ITSN2: variants seen among roughly 807,000 people sequenced by gnomAD.
ITSN2 encodes intersectin-2.
A neutral mutation model predicts 243.7 loss-of-function variants in ITSN2; 156 were observed. That is an observed-to-expected ratio of 0.64 (90% CI 0.56 to 0.73). The LOEUF is 0.73. Ranked by LOEUF, ITSN2 falls within the 30% of genes least tolerant of loss-of-function variation. The pLI, the probability that ITSN2 is intolerant of heterozygous loss-of-function variation, is 0.00. For synonymous variants in ITSN2, 703 were observed against 699.9 expected (o/e 1.00, Z -0.07); for missense variants, 1,801 against 1,996.1 (o/e 0.90, Z 1.86).
At chr2:24,329,806 T>A (rs1574334107) in intron 1 of ITSN2, among the ~76,000 whole-genome samples, 1 of 152,194 alleles carries the variant, frequency 6.6e-6, no homozygotes, top group African/African-American at 2.4e-5. Flanking sequence ...AGTACATACA[T>A]CGTGGTCAAC....
intron 2 of ITSN2, among the ~76,000 whole-genome samples, chr2:24,321,250 AC>A (rs1169557084): frequency 2.0e-5 from 3 of 152,218 alleles, no homozygotes; most frequent in African/African-American, 7.2e-5. Flanking sequence ...ATGACTAATC[AC>A]CATCTATACT....
At position 24,323,951 on chromosome 2, in the gene ITSN2, G is replaced by A. The variant is rs113369107; in HGVS notation, c.31+4101C>T. ...GGTTAAGAAGGCTTAAAAGCTGCTC[G>A]GCCAGGCATGGTGGCTCACACCTGT... On this transcript the variant is annotated intron_variant, in intron 2 of 39. Transcript: ENST00000355123. Among the ~76,000 whole-genome samples the A allele has an allele frequency of 4.7e-3, 723 of 152,234 alleles. 8 individuals carry two copies. Among genetic ancestry groups the A allele is most frequent in the African/African-American group, 0.017 (700 of 41,536 alleles).
At chr2:24,302,644 C>T (rs558465244) in intron 9 of ITSN2, among the ~76,000 whole-genome samples, 2 of 151,814 alleles carry the variant, frequency 1.3e-5, no homozygotes, top group African/African-American at 2.4e-5. Context: ...AATTTTTTAC[C>T]GTTGATTTTC....
At chr2:24,289,378 A>G (rs1012225995) in intron 15 of ITSN2, among the ~76,000 whole-genome samples, 1 of 152,182 alleles carries the variant, frequency 6.6e-6, no homozygotes, top group Middle Eastern at 3.2e-3. Context: ...TGTCATGAAT[A>G]ATATTGTTTA....
chr2:24,252,293 T>G, intron 25 of ITSN2, 52 bp downstream of exon 25: 1 of 1,247,514 alleles, frequency 8.0e-7, no homozygotes. Context: ...ACCAAAATAA[T>G]TTAAGTATAA....
chr2:24,294,801 C>T (rs1463389614), intron 14 of ITSN2, among the ~76,000 whole-genome samples: 1 of 152,152 alleles, frequency 6.6e-6, no homozygotes, highest in African/African-American at 2.4e-5. Context: ...ATGTTGGAAC[C>T]TAACTCCCAA....
chr2:24,289,663 T>A (rs1679983375), intron 15 of ITSN2, among the ~76,000 whole-genome samples: 1 of 152,210 alleles, frequency 6.6e-6, no homozygotes. Context: ...AAAGTGCGTA[T>A]CCCTACCTCA....
intron 18 of ITSN2, among the ~76,000 whole-genome samples, chr2:24,272,714 C>A (rs764055598): frequency 6.6e-6 from 1 of 152,162 alleles, no homozygotes; most frequent in East Asian, 1.9e-4. Flanking sequence ...AGATTACGGG[C>A]ATGAGCCACT....
chr2:24,311,532 C>T (rs1200059655), intron 5 of ITSN2: 2 of 166,966 alleles, frequency 1.2e-5, no homozygotes, highest in African/African-American at 4.8e-5. Flanking sequence ...AGGCACACAC[C>T]CCTATAACCA....
Position 24,299,969 on chromosome 2 carries a change from C to T in ITSN2, c.1284G>A (p.Lys428=), listed in dbSNP as rs1291576035. ...KQLELEKRLE[K]QRELERQREE... ...CTCGTTGTCTCTCCAATTCCCGTTG[C>T]TTCTCTAAGCGTTTTTCTAATTCAA... Residue 428 remains lysine, a synonymous_variant, in exon 12 of 40, where the codon AAG becomes AAA. Transcript: ENST00000355123. 5.0e-6 allele frequency: 8 copies of T among 1,613,908 alleles called. No individual in the cohort carries two copies. In the South Asian group the frequency reaches 7.7e-5, roughly 16 times the overall value.
chr2:24,266,289 G>A (rs1676649308), intron 20 of ITSN2, among the ~76,000 whole-genome samples: 2 of 151,352 alleles, frequency 1.3e-5, no homozygotes, highest in African/African-American at 4.9e-5. Context: ...ATTCATTTTT[G>A]TATGTCACCA....
Position 24,211,046 on chromosome 2 carries a change from G to T in ITSN2, c.4090-99C>A. The T allele has an allele frequency of 8.6e-7, 1 of 1,158,608 alleles. No homozygotes were observed. The highest frequency in any genetic ancestry group is 1.2e-6 in the Non-Finnish European group (1 of 804,372). 71.8% of individuals were successfully genotyped at this position (1,158,608 alleles called of 1,614,324 possible). On this transcript the variant is annotated intron_variant, in intron 33 of 39. Coordinates refer to ENST00000355123, the MANE Select transcript of ITSN2 (RefSeq NM_006277.3). This position sits in a 1 kb window ranked among gnomAD's most constrained non-coding sequence, Gnocchi z 4.1. Reference sequence around the variant, plus strand: ...CTCCTCCAACCCCATGTTATGGACTGCTTCCATGCCCTGGAAACGCGGCGG... The same window carrying T: ...CTCCTCCAACCCCATGTTATGGACTTCTTCCATGCCCTGGAAACGCGGCGG...
At chr2:24,344,863 A>T (rs917806229) in intron 1 of ITSN2, among the ~76,000 whole-genome samples, 3 of 152,216 alleles carry the variant, frequency 2.0e-5, no homozygotes, top group Non-Finnish European at 4.4e-5. Flanking sequence ...AAGGCAGGAC[A>T]ATCGCTTGAA....
chr2:24,310,135 G>C, intron 7 of ITSN2, 149 bp downstream of exon 7: 1 of 490,630 alleles, frequency 2.0e-6, no homozygotes, highest in South Asian at 5.2e-5. Context: ...TATTTTATGT[G>C]AGTTGTAAGT....
chr2:24,252,980 A>T (rs1674546155), intron 24 of ITSN2, among the ~76,000 whole-genome samples: 1 of 152,222 alleles, frequency 6.6e-6, no homozygotes, highest in Admixed American at 6.5e-5. Context: ...CTCAATACCC[A>T]GAAGACAGCA....
At chr2:24,318,873 G>A (rs1013525075) in intron 2 of ITSN2, among the ~76,000 whole-genome samples, 6 of 152,286 alleles carry the variant, frequency 3.9e-5, no homozygotes, top group South Asian at 2.1e-4. Flanking sequence ...GAAGGTGAGC[G>A]GTGGGCAAGT....
chr2:24,226,168 T>C (rs1671010583), intron 29 of ITSN2, among the ~76,000 whole-genome samples: 1 of 152,160 alleles, frequency 6.6e-6, no homozygotes. Context: ...AGTCAGGGAA[T>C]ATTTGTTAGG....
rs1426276716 is a variant in ITSN2, at chr2:24,204,131, T to TGTCA, written c.4936+110_4936+113dup. 9.6e-7 allele frequency: 1 copy of TGTCA among 1,043,100 alleles called. No homozygotes were observed. The highest frequency in any genetic ancestry group is 1.4e-6 in the Non-Finnish European group (1 of 697,174). 64.6% of individuals were successfully genotyped at this position (1,043,100 alleles called of 1,614,324 possible). ...GCCAAAGCGAGATGACACAGGCCTGTGTCACTTCCCTGAAGTGGCATGGGG... is the reference window on the plus strand; with the variant it reads ...GCCAAAGCGAGATGACACAGGCCTGTGTCAGTCACTTCCCTGAAGTGGCATGGGG... On this transcript the variant is annotated intron_variant, in intron 39 of 39. Transcript: ENST00000355123. The surrounding 1 kb of genome is among the most constrained non-coding windows in gnomAD (Gnocchi z 5.1).
intron 5 of ITSN2, 112 bp from the exon 6 acceptor site, chr2:24,310,804 G>A (rs946271141): frequency 1.6e-5 from 13 of 822,684 alleles, no homozygotes; most frequent in Non-Finnish European, 2.1e-5. Context: ...AAAACACACA[G>A]ATGAATTATC....
Sources: allele counts gnomAD v4.1 joint callset (sites outside exome capture counted in the v4.1 genomes callset), GRCh38; gene constraint gnomAD v4.1.1; non-coding constraint Gnocchi (gnomAD v3.1); transcripts MANE v1.5; gene names NCBI Gene and HGNC (gene_info 2026-07-23, HGNC 2026-07-21).